Variants in RBM41 observed in about 807,000 individuals in gnomAD.
RBM41 encodes RNA-binding protein 41.
A neutral mutation model predicts 30.8 loss-of-function variants in RBM41; 14 were observed. The observed-to-expected ratio is 0.45, with a 90% CI of 0.30 to 0.71. The LOEUF (loss-of-function observed/expected upper bound fraction) is 0.71, where lower values mean the gene tolerates loss of function less well. Ranked by LOEUF, RBM41 falls within the 30% of genes least tolerant of loss-of-function variation. The probability of loss-of-function intolerance (pLI) is 0.08; values close to 1 mark genes in which losing one functional copy is unlikely to be tolerated. For missense variants in RBM41, 276 were observed against 326.3 expected, an observed-to-expected ratio of 0.85 and a Z score of 1.19; for synonymous variants, 120 against 110.1, an observed-to-expected ratio of 1.09 and a Z score of -0.56.
intron 6 of RBM41, among the ~76,000 whole-genome samples, chrX:107,081,198 T>G (rs1234337131): frequency 2.8e-5 from 3 of 107,129 alleles, no homozygotes; most frequent in Non-Finnish European, 5.9e-5. Flanking sequence ...TTATGAAGGA[T>G]GTAAGGTTTG....
rs1431060728 is a variant in RBM41, at chrX:107,116,606, G to A, written c.125+44C>T. 3 of 1,193,842 alleles carry A rather than the reference G, an allele frequency of 2.5e-6. No homozygotes were observed. In the South Asian group the frequency reaches 5.6e-5, roughly 22 times the overall value. ...CTTTAAGAGAGATCTGTCACCTGGA[G>A]GTAAGAGTCTATGATACTCTCCGTT... On this transcript the variant is annotated intron_variant, in intron 2 of 7. Transcript: ENST00000685964.
intron 7 of RBM41, 59 bp downstream of exon 7, chrX:107,069,196 T>C (rs915410019): frequency 4.0e-6 from 4 of 1,008,675 alleles, no homozygotes; most frequent in Admixed American, 5.2e-5. Context: ...AGAGAGGTTA[T>C]AGGTAATCTC....
intron 6 of RBM41, among the ~76,000 whole-genome samples, chrX:107,083,508 T>C (rs1921734920): frequency 9.0e-6 from 1 of 111,418 alleles, no homozygotes. Context: ...TCTTTTTCTC[T>C]TCTCCTTTTG....
At chrX:107,078,246 C>CTTT (rs1286124888) in intron 6 of RBM41, among the ~76,000 whole-genome samples, 1 of 111,484 alleles carries the variant, frequency 9.0e-6, no homozygotes, top group African/African-American at 3.3e-5. Flanking sequence ...AAAAGTTACT[C>CTTT]TTTTTTCCTG....
intron 6 of RBM41, among the ~76,000 whole-genome samples, chrX:107,075,625 T>G: frequency 8.9e-6 from 1 of 112,043 alleles, no homozygotes; most frequent in East Asian, 2.8e-4. Flanking sequence ...AACAGGTATA[T>G]GAAAAGATGC....
chrX:107,104,548 G>A (rs939025437), intron 5 of RBM41, among the ~76,000 whole-genome samples: 2 of 110,567 alleles, frequency 1.8e-5, no homozygotes, highest in African/African-American at 6.6e-5. Flanking sequence ...CTTTTTTAGG[G>A]CTTAAATTTT....
the RBM41 span, among the ~76,000 whole-genome samples, chrX:107,055,638 T>A: frequency 8.9e-6 from 1 of 112,756 alleles, no homozygotes; most frequent in African/African-American, 3.2e-5. Flanking sequence ...TTTATTTGAA[T>A]GACTCATTAT....
At chrX:107,060,443 C>T (rs1320849894), downstream of RBM41, among the ~76,000 whole-genome samples, 2 of 109,898 alleles carry the variant, frequency 1.8e-5, no homozygotes, top group Non-Finnish European at 3.8e-5. Flanking sequence ...GCCCTTTTTA[C>T]CCTGTACCTC....
rs754469524 is a variant in RBM41 at position 107,115,366 on chromosome X, G to A, written c.509C>T (p.Ala170Val). 1.4e-5 allele frequency: 17 copies of A among 1,209,859 alleles called. No individual in the cohort carries two copies. In the African/African-American group the frequency reaches 1.7e-4, roughly 12 times the overall value. ...GGATCACATACCTTGGTAATAAAGAGCCTTAAGGAAGGAGTGACGATCAGC... is the reference window on the plus strand; with the variant it reads ...GGATCACATACCTTGGTAATAAAGAACCTTAAGGAAGGAGTGACGATCAGC... ...QGADRHSFLK[A>V]LYYQAYHKKT... The change falls in exon 4 of 8, where the codon GCT becomes GTT. Residue 170 changes from alanine to valine, a missense_variant. Transcript: ENST00000685964.
At chrX:107,090,353 G>A (rs1039760224) in intron 5 of RBM41, among the ~76,000 whole-genome samples, 5 of 111,852 alleles carry the variant, frequency 4.5e-5, no homozygotes, top group Admixed American at 9.5e-5. Context: ...CAGCCTGGGC[G>A]ACAGAGTGAG....
At chrX:107,081,492 C>T (rs1199133555) in intron 6 of RBM41, among the ~76,000 whole-genome samples, 1 of 111,412 alleles carries the variant, frequency 9.0e-6, no homozygotes, top group Non-Finnish European at 1.9e-5. Flanking sequence ...GTTACATGTT[C>T]TGGGTCTTTT....
intron 6 of RBM41, among the ~76,000 whole-genome samples, chrX:107,087,513 GT>G (rs1167458810): frequency 9.0e-6 from 1 of 111,718 alleles, no homozygotes; most frequent in Non-Finnish European, 1.9e-5. Context: ...GTAATGAAGA[GT>G]TTTCCATTCC....
chrX:107,073,782 C>T (rs1480464228), intron 6 of RBM41, among the ~76,000 whole-genome samples: 1 of 112,085 alleles, frequency 8.9e-6, no homozygotes, highest in African/African-American at 3.2e-5. Context: ...GAATACTATT[C>T]AGCCATAAAA....
chrX:107,092,713 A>T (rs1424686703), intron 5 of RBM41, among the ~76,000 whole-genome samples: 1 of 112,672 alleles, frequency 8.9e-6, no homozygotes, highest in African/African-American at 3.2e-5. Context: ...AAAGAATGCC[A>T]ACATTACATG....
rs1213830997 is a variant in RBM41, at chrX:107,063,215, C to T, written c.*4312G>A. 9.0e-6 allele frequency among the ~76,000 whole-genome samples: 1 copy of T among 111,035 alleles called. No homozygotes were observed. On this transcript the variant is annotated 3_prime_UTR_variant, in exon 8 of 8. Transcript: ENST00000685964. ...TTACCCCCAGCCCTTCCCATTCCCC[C>T]CAACTCTGTGCTAGCCCTAAGCAAC... is the stretch of plus-strand genomic sequence containing the variant.
intron 6 of RBM41, among the ~76,000 whole-genome samples, chrX:107,086,694 T>C (rs752846411): frequency 4.5e-5 from 5 of 112,182 alleles, no homozygotes; most frequent in South Asian, 3.7e-4. Flanking sequence ...TGTAACCTAC[T>C]AATTGTAATC....
chrX:107,073,594 A>G (rs1420871032), intron 6 of RBM41, among the ~76,000 whole-genome samples: 1 of 111,722 alleles, frequency 9.0e-6, no homozygotes, highest in Non-Finnish European at 1.9e-5. Flanking sequence ...TCCTCAACAA[A>G]CTACAAATAG....
rs746949993 is a variant in RBM41 at position 107,069,397 on chromosome X, T to C, written c.1005A>G (p.Leu335=). Residue 335 remains leucine (L), a synonymous_variant, in exon 7 of 8, where the codon TTA becomes TTG. Transcript: ENST00000685964. ...CCCGAGGGCTAAGGTTCTTCAGGTATAATACCTAAAACAAATTGAGGATCA... is the reference window on the plus strand; with the variant it reads ...CCCGAGGGCTAAGGTTCTTCAGGTACAATACCTAAAACAAATTGAGGATCA... ...SYNPGEPNKV[L]YLKNLSPRVT... 8.4e-7 allele frequency: 1 copy of C among 1,194,501 alleles called. No individual in the cohort carries two copies. Among genetic ancestry groups the C allele is most frequent in the Admixed American group, 2.3e-5 (1 of 43,251 alleles).
At chrX:107,105,189 T>C in intron 5 of RBM41, among the ~76,000 whole-genome samples, 1 of 111,539 alleles carries the variant, frequency 9.0e-6, no homozygotes, top group Non-Finnish European at 1.9e-5. Flanking sequence ...ACAAAATCAA[T>C]GTGCAAAAAT....
Sources: gnomAD v4.1 joint callset for allele counts (sites outside exome capture counted in the v4.1 genomes callset) on GRCh38, gnomAD v4.1.1 for gene constraint, MANE v1.5 for transcripts, NCBI Gene and HGNC (gene_info 2026-07-23, HGNC 2026-07-21) for gene names.